Variants in DENND1B observed in about 807,000 individuals in gnomAD.
The protein encoded by DENND1B is DENN domain containing 1B.
Under a neutral mutation model 90.1 loss-of-function variants are expected in DENND1B, and 59 were observed. That is an observed-to-expected ratio of 0.65 (90% CI 0.53 to 0.81). The LOEUF (loss-of-function observed/expected upper bound fraction) is 0.81. DENND1B is among the 40% of genes least tolerant of loss of function. DENND1B has a pLI of 0.00. For synonymous variants in DENND1B, 337 were observed against 324.6 expected (o/e 1.04, Z -0.41); for missense variants, 862 against 912.6 (o/e 0.94, Z 0.71).
chr1:197,781,665 A>G, the DENND1B span, among the ~76,000 whole-genome samples: 2 of 152,186 alleles, frequency 1.3e-5, no homozygotes, highest in Admixed American at 1.3e-4. Flanking sequence ...ATCTTCCCTG[A>G]AAGTTTGCCT....
chr1:197,549,431 T>C (rs1671053851), intron 16 of DENND1B, among the ~76,000 whole-genome samples: 1 of 152,152 alleles, frequency 6.6e-6, no homozygotes, highest in Non-Finnish European at 1.5e-5. Context: ...TCAGATTATA[T>C]GTGTAAACTA....
At chr1:197,564,395 CAAAAAAA>C (rs71131780) in intron 15 of DENND1B, among the ~76,000 whole-genome samples, 3 of 63,156 alleles carry the variant, frequency 4.8e-5, no homozygotes, top group African/African-American at 1.3e-4. Flanking sequence ...CCTCCACCAG[CAAAAAAA>C]AAAAAAAAAA....
chr1:197,554,496 A>G (rs114598654), intron 15 of DENND1B, among the ~76,000 whole-genome samples: 1,736 of 152,212 alleles, frequency 0.011, 38 homozygotes, highest in African/African-American at 0.039. Flanking sequence ...GAACAAAACT[A>G]ATTGAGATGA....
At chr1:197,645,814 T>A in intron 8 of DENND1B, 71 bp from the exon 9 acceptor site, 1 of 1,074,470 alleles carries the variant, frequency 9.3e-7, no homozygotes, top group Non-Finnish European at 1.3e-6. Flanking sequence ...GTAATGAAAA[T>A]CAGAAAAAAA....
intron 5 of DENND1B, among the ~76,000 whole-genome samples, chr1:197,661,030 C>CAT (rs1010359833): frequency 6.6e-6 from 1 of 151,942 alleles, no homozygotes; most frequent in Non-Finnish European, 1.5e-5. Context: ...TTACAATAAG[C>CAT]ATATTGACAA....
At chr1:197,599,486 T>C (rs1386512566) in intron 13 of DENND1B, among the ~76,000 whole-genome samples, 1 of 151,876 alleles carries the variant, frequency 6.6e-6, no homozygotes, top group African/African-American at 2.4e-5. Flanking sequence ...AATATTTCCT[T>C]TCATATAACT....
chr1:197,748,403 T>C (rs958888634), intron 2 of DENND1B, among the ~76,000 whole-genome samples: 1 of 152,100 alleles, frequency 6.6e-6, no homozygotes, highest in Non-Finnish European at 1.5e-5. Context: ...AAGATATCTA[T>C]ATCCTAATGC....
At chr1:197,771,460 C>T (rs1296170254) in intron 2 of DENND1B, among the ~76,000 whole-genome samples, 1 of 152,094 alleles carries the variant, frequency 6.6e-6, no homozygotes. Context: ...ATAACTTCAT[C>T]AACTAGAAAA....
intron 2 of DENND1B, among the ~76,000 whole-genome samples, chr1:197,756,028 TA>T (rs1489786683): frequency 5.3e-5 from 8 of 152,174 alleles, no homozygotes; most frequent in African/African-American, 1.9e-4. Context: ...TCTGTACATT[TA>T]AAAGTATAGG....
intron 15 of DENND1B, among the ~76,000 whole-genome samples, chr1:197,571,137 G>C (rs1673115239): frequency 6.6e-6 from 1 of 151,902 alleles, no homozygotes; most frequent in African/African-American, 2.4e-5. Context: ...TTCTCTCCTG[G>C]ACAACTGAAA....
At chr1:197,685,553 C>G (rs191055258) in intron 3 of DENND1B, 1 of 152,172 alleles carries the variant, frequency 6.6e-6, no homozygotes, top group African/African-American at 2.4e-5. Flanking sequence ...TAATTATGTT[C>G]TGTATTTTTA....
chr1:197,701,055 T>C (rs184716007), intron 3 of DENND1B, among the ~76,000 whole-genome samples: 1 of 152,248 alleles, frequency 6.6e-6, no homozygotes, highest in African/African-American at 2.4e-5. Context: ...AAATAACCAT[T>C]TGACCCAGCA....
intron 20 of DENND1B, among the ~76,000 whole-genome samples, chr1:197,515,979 C>CT (rs1039175456): frequency 2.0e-5 from 3 of 151,722 alleles, no homozygotes; most frequent in African/African-American, 7.3e-5. Flanking sequence ...TTAAGTCCAA[C>CT]TTTTTTTATG....
At chr1:197,518,312 C>T (rs1668542162) in intron 20 of DENND1B, among the ~76,000 whole-genome samples, 2 of 151,796 alleles carry the variant, frequency 1.3e-5, no homozygotes, top group Non-Finnish European at 1.5e-5. Context: ...ATTGTATAAC[C>T]AACGCCTTAT....
At chr1:197,735,717 G>GT in intron 2 of DENND1B, 2 of 1,613,738 alleles carry the variant, frequency 1.2e-6, no homozygotes, top group Non-Finnish European at 1.7e-6. Flanking sequence ...CGACAGGAAA[G>GT]TTTTCCAGTT....
rs560564756 is a variant in DENND1B, at chr1:197,671,172, A to G, written c.296+865T>C. Among the ~76,000 whole-genome samples, 6 of 152,306 alleles carry G rather than the reference A, an allele frequency of 3.9e-5. No individual in the cohort carries two copies. In the East Asian group the frequency reaches 9.6e-4, roughly 24 times the overall value. ...TTCATAAATTGTTATTTCTTTTCCTATAAGCATTTCTAAGAAATCCAGTTT... is the reference window on the plus strand; with the variant it reads ...TTCATAAATTGTTATTTCTTTTCCTGTAAGCATTTCTAAGAAATCCAGTTT... On this transcript the variant is annotated intron_variant, in intron 5 of 22. Coordinates refer to ENST00000620048, the MANE Select transcript of DENND1B (RefSeq NM_001195215.2).
intron 15 of DENND1B, among the ~76,000 whole-genome samples, chr1:197,564,278 G>C (rs1672423257): frequency 6.7e-6 from 1 of 150,110 alleles, no homozygotes; most frequent in Non-Finnish European, 1.5e-5. Context: ...GGAGTCAATT[G>C]ATGTGGCAAA....
intron 3 of DENND1B, among the ~76,000 whole-genome samples, chr1:197,713,829 A>ATATAATATATTATATTATATTAT (rs1660279040): frequency 3.6e-5 from 1 of 27,580 alleles, no homozygotes; most frequent in Non-Finnish European, 5.9e-5. Context: ...AATATATTAT[A>ATATAATATATTATATTATATTAT]TATAATATAT....
intron 15 of DENND1B, among the ~76,000 whole-genome samples, chr1:197,567,916 T>G (rs1343795460): frequency 2.0e-5 from 3 of 151,950 alleles, no homozygotes; most frequent in Non-Finnish European, 4.4e-5. Flanking sequence ...ACCATTTCTT[T>G]TAAACACAGA....
Sources: allele counts gnomAD v4.1 joint callset (sites outside exome capture counted in the v4.1 genomes callset), GRCh38; gene constraint gnomAD v4.1.1; transcripts MANE v1.5; gene names NCBI Gene and HGNC (gene_info 2026-07-23, HGNC 2026-07-21).